Variants in IL7 observed in about 807,000 individuals in gnomAD.
IL7 encodes the protein interleukin 7, also known as interleukin-7.
Under a neutral mutation model 21.6 loss-of-function variants are expected in IL7, and 3 were observed. The ratio of observed to expected loss-of-function variants is 0.14; its 90% CI spans 0.06 to 0.36. The LOEUF (loss-of-function observed/expected upper bound fraction) is 0.36. Among genes scored for constraint, IL7 ranks in the 10% least tolerant of loss-of-function variants. The pLI is 1.00. For missense variants in IL7, 175 were observed against 200.2 expected (o/e 0.87, Z 0.76); for synonymous variants, 62 against 68.1 (o/e 0.91, Z 0.44).
intron 2 of IL7, among the ~76,000 whole-genome samples, chr8:78,763,489 G>C (rs1812647497): frequency 6.6e-6 from 1 of 152,084 alleles, no homozygotes; most frequent in Non-Finnish European, 1.5e-5. Context: ...AAATGATACA[G>C]AGACATCACT....
At chr8:78,741,950 T>C (rs931926493) in intron 2 of IL7, among the ~76,000 whole-genome samples, 3 of 152,160 alleles carry the variant, frequency 2.0e-5, no homozygotes, top group African/African-American at 7.2e-5. Context: ...TAACAAAGAA[T>C]AGAATTACTT....
At position 78,693,417 on chromosome 8, in the gene IL7, C is replaced by T. The variant is rs1210504290; in HGVS notation, n.215-7470G>A. Among the ~76,000 whole-genome samples, 9 of 152,214 alleles carry T rather than the reference C, an allele frequency of 5.9e-5. No homozygotes were observed. In the East Asian group the frequency reaches 7.7e-4, roughly 13 times the overall value. ...TGTTGTTTCCTGATTTTTTAATTATCGCCATTCTAACTGGTGTGAGATGGT... is the reference window on the plus strand; with the variant it reads ...TGTTGTTTCCTGATTTTTTAATTATTGCCATTCTAACTGGTGTGAGATGGT... On this transcript the variant is annotated intron_variant and non_coding_transcript_variant, in intron 3 of 4. Coordinates refer to the IL7 transcript ENST00000523959.
intron 1 of IL7, among the ~76,000 whole-genome samples, chr8:78,802,512 C>T (rs1814103641): frequency 6.6e-6 from 1 of 151,566 alleles, no homozygotes. Context: ...CTCACTGCAA[C>T]CTCAGCCTCC....
intron 2 of IL7, among the ~76,000 whole-genome samples, chr8:78,744,074 C>G (rs139644973): frequency 6.6e-6 from 1 of 150,386 alleles, no homozygotes; most frequent in African/African-American, 2.5e-5. Flanking sequence ...GATTGGGGAC[C>G]CACTTATAGA....
chr8:78,787,355 A>T (rs557877361), intron 2 of IL7, among the ~76,000 whole-genome samples: 5 of 152,170 alleles, frequency 3.3e-5, no homozygotes, highest in Admixed American at 6.5e-5. Flanking sequence ...AATTGAATTG[A>T]CAGCCAGCTT....
chr8:78,709,370 A>C (rs1466029359), intron 3 of IL7, among the ~76,000 whole-genome samples: 1 of 152,108 alleles, frequency 6.6e-6, no homozygotes, highest in African/African-American at 2.4e-5. Flanking sequence ...CAGTCTTTTG[A>C]TGTGTGTGAA....
chr8:78,787,747 T>C (rs540534644), intron 2 of IL7, among the ~76,000 whole-genome samples: 1 of 152,318 alleles, frequency 6.6e-6, no homozygotes, highest in South Asian at 2.1e-4. Flanking sequence ...CCACGGCCTC[T>C]CTTCAAAGTG....
At chr8:78,691,751 A>G (rs139929281) in intron 3 of IL7, among the ~76,000 whole-genome samples, 3 of 152,094 alleles carry the variant, frequency 2.0e-5, no homozygotes, top group South Asian at 4.1e-4. Flanking sequence ...TAAAAAATGC[A>G]TCTTTGACTT....
chr8:78,756,900 T>A (rs374944818), intron 2 of IL7, among the ~76,000 whole-genome samples: 2 of 152,084 alleles, frequency 1.3e-5, no homozygotes, highest in East Asian at 1.9e-4. Flanking sequence ...TTTTTTCTGC[T>A]CTTTATTTTT....
intron 2 of IL7, among the ~76,000 whole-genome samples, chr8:78,742,073 G>A (rs1811802747): frequency 6.6e-6 from 1 of 151,970 alleles, no homozygotes; most frequent in Admixed American, 6.6e-5. Context: ...CAGCCCTTTG[G>A]GAGGCCAAAG....
chr8:78,774,076 A>T (rs1813051737), intron 2 of IL7, among the ~76,000 whole-genome samples: 1 of 152,068 alleles, frequency 6.6e-6, no homozygotes, highest in Admixed American at 6.6e-5. Context: ...CCAAAAGAGC[A>T]GAGAAAAGAA....
At chr8:78,713,158 A>T (rs1015481754), downstream of IL7, among the ~76,000 whole-genome samples, 1 of 152,166 alleles carries the variant, frequency 6.6e-6, no homozygotes, top group African/African-American at 2.4e-5. Context: ...AGCTGTTAAC[A>T]GGTAGATTCT....
chr8:78,733,653 A>G lies in IL7; in HGVS notation c.*60T>C. 1 of 1,554,822 alleles carries G rather than the reference A, an allele frequency of 6.4e-7. No individual in the cohort carries two copies. Among genetic ancestry groups the G allele is most frequent in the Non-Finnish European group, 8.7e-7 (1 of 1,148,866 alleles). ...TTCCACTCTGAAAAACTGCATAAGC[A>G]GATAGATTCTTGGAGGATGCAGCTA... is the stretch of plus-strand genomic sequence containing the variant. On this transcript the variant is annotated 3_prime_UTR_variant, in exon 6 of 6. Coordinates refer to ENST00000263851, the MANE Select transcript of IL7 (RefSeq NM_000880.4).
At chr8:78,714,658 C>T (rs1208618220), downstream of IL7, among the ~76,000 whole-genome samples, 3 of 152,130 alleles carry the variant, frequency 2.0e-5, no homozygotes, top group East Asian at 5.8e-4. Flanking sequence ...ATGATCCAAC[C>T]AGAAGTCCCT....
chr8:78,715,300 A>G (rs1045115178), downstream of IL7: 3 of 1,613,868 alleles, frequency 1.9e-6, no homozygotes, highest in Non-Finnish European at 2.5e-6. Context: ...AAACAAAAGA[A>G]AAACATATAC....
At chr8:78,701,056 G>A (rs764801842) in intron 3 of IL7, among the ~76,000 whole-genome samples, 3 of 152,142 alleles carry the variant, frequency 2.0e-5, no homozygotes, top group Non-Finnish European at 4.4e-5. Flanking sequence ...AATGGGAATA[G>A]CATTGAATCT....
exon 7 of IL7, chr8:78,717,925 CATA>C (rs1392850031): frequency 6.5e-6 from 1 of 154,584 alleles, no homozygotes; most frequent in African/African-American, 2.4e-5. Context: ...CAGATAGTAT[CATA>C]GTAGGATAGA....
chr8:78,763,096 A>G (rs1197083069), intron 2 of IL7, among the ~76,000 whole-genome samples: 1 of 152,114 alleles, frequency 6.6e-6, no homozygotes, highest in Non-Finnish European at 1.5e-5. Context: ...AATTATGGTG[A>G]GGTGCACCTG....
At chr8:78,690,581 G>A (rs1810178068) in intron 3 of IL7, among the ~76,000 whole-genome samples, 1 of 151,448 alleles carries the variant, frequency 6.6e-6, no homozygotes, top group Admixed American at 6.6e-5. Flanking sequence ...AAAAACTTTG[G>A]CCATTCTTGA....
Sources: allele counts gnomAD v4.1 joint callset (sites outside exome capture counted in the v4.1 genomes callset), GRCh38; gene constraint gnomAD v4.1.1; transcripts MANE v1.5; gene names NCBI Gene and HGNC (gene_info 2026-07-23, HGNC 2026-07-21).